The following MED12L variants were observed in gnomAD, a reference collection of about 807,000 sequenced individuals.
The protein encoded by MED12L is mediator of RNA polymerase II transcription subunit 12-like protein.
A neutral mutation model predicts 281.3 loss-of-function variants in MED12L; 60 were observed. That is an observed-to-expected ratio of 0.21 (90% confidence interval 0.17 to 0.26). MED12L has a LOEUF of 0.26. Ranked by LOEUF, MED12L falls within the 10% of genes least tolerant of loss-of-function variation. MED12L has a pLI of 1.00. For missense variants in MED12L, 2,146 were observed against 2,680.9 expected, an observed-to-expected ratio of 0.80 and a Z score of 4.41; for synonymous variants, 974 against 987.2, an observed-to-expected ratio of 0.99 and a Z score of 0.25.
rs1720182234 is a variant in MED12L, at chr3:151,436,231, A to G, written c.*3427A>G. 6.5e-6 allele frequency: 1 copy of G among 153,748 alleles called. No homozygotes were observed. Among genetic ancestry groups the G allele is most frequent in the African/African-American group, 2.4e-5 (1 of 41,424 alleles). The allele number at this position is 153,748 out of a possible 1,614,324, so 9.5% of individuals were successfully genotyped here. On this transcript the variant is annotated 3_prime_UTR_variant, in exon 45 of 45. Transcript: ENST00000687756. ...TCTGTAGGTTTTAGCAAAAAAATTT[A>G]TAAACCACAAAATATTTATACATCA...
chr3:151,262,873 T>G (rs745642504), intron 16 of MED12L, among the ~76,000 whole-genome samples: 8 of 152,148 alleles, frequency 5.3e-5, no homozygotes, highest in Non-Finnish European at 1.2e-4. Context: ...GTCTCCTCAG[T>G]TAAATGATAG....
intron 16 of MED12L, among the ~76,000 whole-genome samples, chr3:151,247,574 G>T (rs1735863348): frequency 7.2e-6 from 1 of 139,554 alleles, no homozygotes; most frequent in Non-Finnish European, 1.5e-5. Context: ...AGATCACATG[G>T]ACACAGGAAG....
At chr3:151,137,581 G>C (rs1470005815) in intron 5 of MED12L, among the ~76,000 whole-genome samples, 1 of 152,180 alleles carries the variant, frequency 6.6e-6, no homozygotes, top group Non-Finnish European at 1.5e-5. Flanking sequence ...ATCTGCATGT[G>C]TGTGCATGTA....
At position 151,338,419 on chromosome 3, in the gene MED12L, T is replaced by C. The variant is rs1306756787; in HGVS notation, c.2251-11640T>C. The C allele has an allele frequency of 2.5e-6, 4 of 1,614,062 alleles. No individual in the cohort carries two copies. The South Asian group carries it at 4.4e-5, about 18-fold the overall frequency. On this transcript the variant is annotated intron_variant, in intron 16 of 44. Transcript: ENST00000687756. ...AATGCCCAGATGACAACAGAGAGAATCTTAGCCCCCAAGAGATTTTTGGGG... is the reference window on the plus strand; with the variant it reads ...AATGCCCAGATGACAACAGAGAGAACCTTAGCCCCCAAGAGATTTTTGGGG...
chr3:151,214,174 A>G, intron 16 of MED12L: 1 of 1,614,164 alleles, frequency 6.2e-7, no homozygotes, highest in Non-Finnish European at 8.5e-7. Context: ...GGGCACGTAA[A>G]AGAATATCCA....
chr3:151,192,779 T>C, intron 15 of MED12L, 125 bp downstream of exon 15: 1 of 695,196 alleles, frequency 1.4e-6, no homozygotes, highest in Non-Finnish European at 2.5e-6. Context: ...TGCCATATTC[T>C]TCCTTTGGTA....
intron 11 of MED12L, among the ~76,000 whole-genome samples, chr3:151,169,307 G>C (rs1423453277): frequency 6.6e-6 from 1 of 151,734 alleles, no homozygotes; most frequent in Non-Finnish European, 1.5e-5. Flanking sequence ...TTTTAGTATA[G>C]ATTGGGTTTC....
At chr3:151,368,696 TTTCATTTCATTTCATTTCATTTCATTTC>T (rs1560087707) in intron 25 of MED12L, among the ~76,000 whole-genome samples, 37 of 54,880 alleles carry the variant, frequency 6.7e-4, no homozygotes, top group Middle Eastern at 7.0e-3. Context: ...TTTTATTTCA[TTTCATTTCATTTCATTTCATTTCATTTC>T]ATTTCATTTC....
In MED12L at chr3:151,372,676, A is replaced by G; in HGVS notation, c.3774A>G (p.Gln1258=). 6.2e-7 allele frequency: 1 copy of G among 1,614,008 alleles called. No homozygotes were observed. The highest frequency in any genetic ancestry group is 8.5e-7 in the Non-Finnish European group (1 of 1,179,900). Residue 1258 remains glutamine (Q), a synonymous_variant, in exon 27 of 45, where the codon CAA becomes CAG. Transcript: ENST00000687756. ...GNADDIWTAS[Q]NPKSCGKSIS... is the part of the protein sequence containing the mutation. ...CTGATGATATCTGGACTGCCTCACA[A>G]AATCCAAAATCCTGTGGGAAAAGCA... is the stretch of plus-strand genomic sequence containing the variant.
At chr3:151,199,893 C>T (rs1559870055) in intron 16 of MED12L, among the ~76,000 whole-genome samples, 1 of 151,772 alleles carries the variant, frequency 6.6e-6, no homozygotes, top group Non-Finnish European at 1.5e-5. Context: ...GCTGGGAGAA[C>T]CCAGGCTGAC....
intron 16 of MED12L, among the ~76,000 whole-genome samples, chr3:151,288,025 G>C (rs1012967425): frequency 2.0e-5 from 3 of 152,090 alleles, no homozygotes; most frequent in Non-Finnish European, 2.9e-5. Flanking sequence ...CTGATATCTA[G>C]AGATCTGGGA....
At chr3:151,087,070 CA>C (rs764266688) in intron 2 of MED12L, 45 bp downstream of exon 2, 2 of 1,481,178 alleles carry the variant, frequency 1.4e-6, no homozygotes, top group Non-Finnish European at 1.8e-6. Context: ...CCGCGCTCTG[CA>C]GCACTGACCC....
chr3:151,392,132 A>T (rs1364882453), intron 38 of MED12L, among the ~76,000 whole-genome samples: 1 of 152,200 alleles, frequency 6.6e-6, no homozygotes, highest in East Asian at 1.9e-4. Context: ...AAAGCTTTTT[A>T]TAAACTGAGG....
intron 5 of MED12L, among the ~76,000 whole-genome samples, chr3:151,145,148 C>T (rs530093389): frequency 2.9e-4 from 44 of 152,320 alleles, no homozygotes; most frequent in African/African-American, 9.9e-4. Context: ...CTGACTTGCT[C>T]TAAAACTCCA....
At chr3:151,385,262 A>G (rs1023364155) in intron 36 of MED12L, 71 bp downstream of exon 36, 11 of 821,514 alleles carry the variant, frequency 1.3e-5, no homozygotes, top group East Asian at 2.9e-5. Flanking sequence ...TTGTCTTACC[A>G]TAGGATATAT....
chr3:151,376,065 TTATG>T lies in MED12L; in HGVS notation c.3907_3910del (p.Cys1303GlnfsTer55), dbSNP rs1224389049. On this transcript the variant is annotated frameshift_variant, in exon 28 of 45. Coordinates refer to ENST00000687756, the MANE Select transcript of MED12L (RefSeq NM_001393769.1). LOFTEE classifies it high-confidence loss of function. ...GCATTGCTTAAAAGAACCTGAAAGA[TTATG>T]TACAGACAAAGAACTTATATTGGAC... is the stretch of plus-strand genomic sequence containing the variant. 1 of 1,603,724 alleles carries T rather than the reference TTATG, an allele frequency of 6.2e-7. No homozygotes were observed. The highest frequency in any genetic ancestry group is 1.3e-5 in the African/African-American group (1 of 74,368).
intron 16 of MED12L, among the ~76,000 whole-genome samples, chr3:151,218,888 A>G (rs1728779594): frequency 7.5e-6 from 1 of 132,786 alleles, no homozygotes; most frequent in South Asian, 2.3e-4. Flanking sequence ...AAAAAAAAAA[A>G]AAAAAAAAAG....
At chr3:151,293,909 C>G (rs546747283) in intron 16 of MED12L, among the ~76,000 whole-genome samples, 61 of 152,260 alleles carry the variant, frequency 4.0e-4, no homozygotes, top group African/African-American at 1.4e-3. Context: ...GGCCACAGTG[C>G]AGGGACATTG....
chr3:151,214,784 A>T (rs778269700), intron 16 of MED12L, among the ~76,000 whole-genome samples: 27 of 152,230 alleles, frequency 1.8e-4, no homozygotes, highest in Non-Finnish European at 3.4e-4. Flanking sequence ...CCAGAGTTCT[A>T]GGAAATACTC....
Sources: gnomAD v4.1 joint callset for allele counts (sites outside exome capture counted in the v4.1 genomes callset) on GRCh38, gnomAD v4.1.1 for gene constraint, MANE v1.5 for transcripts, NCBI Gene and HGNC (gene_info 2026-07-23, HGNC 2026-07-21) for gene names.